TGFBR3: variants seen among roughly 807,000 people sequenced by gnomAD.
TGFBR3 encodes the protein transforming growth factor beta receptor 3.
TGFBR3 carries 46 observed loss-of-function variants against 87.9 expected under a neutral mutation model. The observed-to-expected ratio is 0.52, with a 90% CI of 0.41 to 0.67. TGFBR3 has a LOEUF of 0.67. Among genes scored for constraint, TGFBR3 ranks in the 30% least tolerant of loss-of-function variants. The pLI is 0.00. For missense variants in TGFBR3, 866 were observed against 1,041.9 expected, an observed-to-expected ratio of 0.83 and a Z score of 2.32; for synonymous variants, 381 against 391.6, an observed-to-expected ratio of 0.97 and a Z score of 0.32.
chr1:91,887,019 T>A (rs1313211504), upstream of TGFBR3, among the ~76,000 whole-genome samples: 4 of 152,100 alleles, frequency 2.6e-5, no homozygotes, highest in Admixed American at 2.6e-4. Flanking sequence ...ACCCAGTTTT[T>A]CTTATTAAAA....
At chr1:91,858,610 C>CAAAAAAAAAAAAAAAAAAA (rs58608714) in intron 2 of TGFBR3, among the ~76,000 whole-genome samples, 1 of 78,298 alleles carries the variant, frequency 1.3e-5, no homozygotes, top group Admixed American at 1.7e-4. Context: ...GACTCTGTCT[C>CAAAAAAAAAAAAAAAAAAA]AAAAAAAAAA....
intron 3 of TGFBR3, among the ~76,000 whole-genome samples, chr1:91,795,192 G>C (rs1232624580): frequency 6.6e-6 from 1 of 152,210 alleles, no homozygotes; most frequent in Non-Finnish European, 1.5e-5. Context: ...TTTTCAAACA[G>C]TATTGAACTA....
intron 13 of TGFBR3, among the ~76,000 whole-genome samples, chr1:91,711,670 A>G (rs974258348): frequency 6.6e-6 from 1 of 152,236 alleles, no homozygotes; most frequent in African/African-American, 2.4e-5. Context: ...CTCCCCTATC[A>G]AATGCATTCC....
chr1:91,733,340 G>C (rs1410299973), intron 5 of TGFBR3, among the ~76,000 whole-genome samples: 1 of 152,220 alleles, frequency 6.6e-6, no homozygotes, highest in Non-Finnish European at 1.5e-5. Flanking sequence ...GGTTCACTTA[G>C]CCCTCCACTA....
At chr1:91,795,891 C>T (rs966131681) in intron 3 of TGFBR3, among the ~76,000 whole-genome samples, 25 of 152,266 alleles carry the variant, frequency 1.6e-4, no homozygotes, top group Non-Finnish European at 2.2e-4. Flanking sequence ...GATGATCTGT[C>T]TTTGAAATGA....
rs182896431 is a variant in TGFBR3, at chr1:91,816,695, A to G, written c.62-19224T>C. On this transcript the variant is annotated intron_variant, in intron 2 of 16. Coordinates refer to ENST00000212355, the MANE Select transcript of TGFBR3 (RefSeq NM_003243.5). ...TCAACTGAAACTTTAAACTCATGCA[A>G]TAACTGTTAATATTCAAGTATAATT... Among the ~76,000 whole-genome samples, 23 of 152,346 alleles carry G rather than the reference A, an allele frequency of 1.5e-4. No homozygotes were observed. The East Asian group carries it at 4.4e-3, about 29-fold the overall frequency.
chr1:91,715,920 C>A (rs977742074), intron 12 of TGFBR3, among the ~76,000 whole-genome samples: 1 of 151,574 alleles, frequency 6.6e-6, no homozygotes, highest in African/African-American at 2.4e-5. Context: ...AACTCTAACA[C>A]TGCAACTACT....
intron 4 of TGFBR3, among the ~76,000 whole-genome samples, chr1:91,736,574 GA>G (rs1672974293): frequency 6.6e-6 from 1 of 151,854 alleles, no homozygotes; most frequent in South Asian, 2.1e-4. Context: ...GCCTGAATAA[GA>G]AAAAAATCCT....
At chr1:91,826,074 C>T (rs1394558217) in intron 2 of TGFBR3, among the ~76,000 whole-genome samples, 2 of 152,006 alleles carry the variant, frequency 1.3e-5, no homozygotes, top group Non-Finnish European at 2.9e-5. Flanking sequence ...TGCTGAAACC[C>T]ATATTAAGTC....
At chr1:91,810,642 C>A (rs1467733209) in intron 2 of TGFBR3, among the ~76,000 whole-genome samples, 1 of 152,156 alleles carries the variant, frequency 6.6e-6, no homozygotes, top group Non-Finnish European at 1.5e-5. Context: ...AACTCCCAAG[C>A]TGCTAATTCT....
chr1:91,873,295 T>G (rs1189874514), intron 1 of TGFBR3, among the ~76,000 whole-genome samples: 1 of 147,382 alleles, frequency 6.8e-6, no homozygotes, highest in Non-Finnish European at 1.5e-5. Context: ...TTTTTTTTTT[T>G]TTTTTTTGAG....
chr1:91,846,560 C>T (rs1359098259), intron 2 of TGFBR3, among the ~76,000 whole-genome samples: 1 of 151,154 alleles, frequency 6.6e-6, no homozygotes, highest in Non-Finnish European at 1.5e-5. Flanking sequence ...TCAGGCTTTT[C>T]GCATTTGAGC....
In TGFBR3 at chr1:91,758,713, A is replaced by G; in HGVS notation, c.284T>C (p.Ile95Thr). Residue 95 changes from isoleucine to threonine, a missense_variant, in exon 4 of 17, where the codon ATC becomes ACC. By Grantham distance (89) the Ile-to-Thr change is moderately conservative. Coordinates refer to ENST00000212355, the MANE Select transcript of TGFBR3 (RefSeq NM_003243.5). ...LHLNPISSVH[I>T]HHKSVVFLLN... ...CAGGAACACAACAGACTTGTGGTGGATGTGGACTGAGGAGATGGGATTCAG... is the reference window on the plus strand; with the variant it reads ...CAGGAACACAACAGACTTGTGGTGGGTGTGGACTGAGGAGATGGGATTCAG... 3 of 1,613,978 alleles carry G rather than the reference A, an allele frequency of 1.9e-6. No homozygotes were observed. Among genetic ancestry groups the G allele is most frequent in the Non-Finnish European group, 8.5e-7 (1 of 1,179,922 alleles).
At chr1:91,873,397 C>T (rs1678663983) in intron 1 of TGFBR3, among the ~76,000 whole-genome samples, 1 of 151,142 alleles carries the variant, frequency 6.6e-6, no homozygotes, top group Non-Finnish European at 1.5e-5. Flanking sequence ...ATTCTCCTGC[C>T]TCTGCCTCCC....
At chr1:91,836,275 T>TA (rs1677062742) in intron 2 of TGFBR3, among the ~76,000 whole-genome samples, 1 of 151,958 alleles carries the variant, frequency 6.6e-6, no homozygotes, top group Admixed American at 6.6e-5. Context: ...AAATAAATTT[T>TA]AAAAAAAATT....
chr1:91,761,795 A>C (rs1211762608), intron 3 of TGFBR3, among the ~76,000 whole-genome samples: 1 of 152,082 alleles, frequency 6.6e-6, no homozygotes, highest in Non-Finnish European at 1.5e-5. Flanking sequence ...AGAAAAAGAA[A>C]ATCCTCCTTA....
At chr1:91,697,889 A>C (rs991626361) in intron 15 of TGFBR3, among the ~76,000 whole-genome samples, 200 bp downstream of exon 15, 9 of 152,294 alleles carry the variant, frequency 5.9e-5, no homozygotes, top group African/African-American at 2.2e-4. Context: ...TAAAGGTGAA[A>C]GGGAAAAAGA....
chr1:91,877,811 A>C (rs148366368), intron 1 of TGFBR3, among the ~76,000 whole-genome samples: 269 of 152,352 alleles, frequency 1.8e-3, no homozygotes, highest in African/African-American at 6.0e-3. Flanking sequence ...CTGTTGGCAT[A>C]AGTATTTTTT....
At chr1:91,740,510 G>A (rs1284505632) in intron 4 of TGFBR3, among the ~76,000 whole-genome samples, 3 of 151,810 alleles carry the variant, frequency 2.0e-5, no homozygotes, top group African/African-American at 4.8e-5. Context: ...GATTACAGGC[G>A]TCCACCATCA....
Sources: gnomAD v4.1 joint callset for allele counts (sites outside exome capture counted in the v4.1 genomes callset) on GRCh38, gnomAD v4.1.1 for gene constraint, MANE v1.5 for transcripts, NCBI Gene and HGNC (gene_info 2026-07-23, HGNC 2026-07-21) for gene names.